Variants in NCALD observed in about 807,000 individuals in gnomAD.
The protein encoded by NCALD is neurocalcin delta.
A neutral mutation model predicts 18.6 loss-of-function variants in NCALD; 10 were observed. That is an observed-to-expected ratio of 0.54 (90% CI 0.33 to 0.91). NCALD has a LOEUF of 0.91. Among genes scored for constraint, NCALD ranks in the 40% least tolerant of loss-of-function variants. The pLI, the probability that NCALD is intolerant of heterozygous loss-of-function variation, is 0.03. For missense variants in NCALD, 184 were observed against 247.6 expected (o/e 0.74, Z 1.72); for synonymous variants, 88 against 87.4 (o/e 1.01, Z -0.04).
intron 1 of NCALD, among the ~76,000 whole-genome samples, chr8:102,082,220 C>A (rs1824563977): frequency 8.0e-6 from 1 of 124,728 alleles, no homozygotes; most frequent in Non-Finnish European, 1.6e-5. Context: ...ATTTGAGAAG[C>A]TCTCTCTTTT....
chr8:101,856,151 C>T (rs553293833), intron 4 of NCALD, among the ~76,000 whole-genome samples: 13 of 152,148 alleles, frequency 8.5e-5, no homozygotes, highest in African/African-American at 2.9e-4. Context: ...TCTCTTGTTT[C>T]GTTTGTTTAT....
At chr8:101,710,981 C>A (rs1815761598) in intron 2 of NCALD, among the ~76,000 whole-genome samples, 1 of 152,200 alleles carries the variant, frequency 6.6e-6, no homozygotes, top group Non-Finnish European at 1.5e-5. Flanking sequence ...AGATGCCTCC[C>A]AGCAGGGGTC....
At chr8:101,720,196 A>G (rs114034600) in intron 1 of NCALD, among the ~76,000 whole-genome samples, 118 of 152,334 alleles carry the variant, frequency 7.7e-4, no homozygotes, top group African/African-American at 2.8e-3. Context: ...AGAAAATGGA[A>G]GCAAACCTAA....
intron 1 of NCALD, among the ~76,000 whole-genome samples, chr8:102,116,535 T>C (rs578166002): frequency 1.5e-3 from 234 of 152,248 alleles, no homozygotes; most frequent in Non-Finnish European, 2.7e-3. Context: ...CAGGCTGGAG[T>C]GCAGTGGGGT....
At chr8:101,980,025 A>G (rs895196405) in intron 2 of NCALD, among the ~76,000 whole-genome samples, 4 of 152,164 alleles carry the variant, frequency 2.6e-5, no homozygotes, top group African/African-American at 9.7e-5. Context: ...CTGAGGGGCA[A>G]AAACACAGTG....
At chr8:101,718,909 G>T (rs1816215982) in intron 2 of NCALD, among the ~76,000 whole-genome samples, 1 of 152,136 alleles carries the variant, frequency 6.6e-6, no homozygotes, top group South Asian at 2.1e-4. Context: ...TCATCTGTAT[G>T]GTAAAACCTT....
At chr8:101,877,738 CT>C (rs570941705) in intron 4 of NCALD, among the ~76,000 whole-genome samples, 466 of 152,204 alleles carry the variant, frequency 3.1e-3, no homozygotes, top group Non-Finnish European at 5.5e-3. Flanking sequence ...CTTTTTGCCC[CT>C]TTTTTTCTCA....
Position 101,689,042 on chromosome 8 carries a change from A to G in NCALD, c.*267T>C, listed in dbSNP as rs558639403. On this transcript the variant is annotated 3_prime_UTR_variant, in exon 4 of 4. Coordinates refer to ENST00000220931, the MANE Select transcript of NCALD (RefSeq NM_032041.3). The surrounding 1 kb of genome is among the most constrained non-coding windows in gnomAD (Gnocchi z 4.4). ...TTAGAACAGAGACATTAGAATAAAAAAAAATAATAGTAACGATTAAAAATC... is the reference window on the plus strand; with the variant it reads ...TTAGAACAGAGACATTAGAATAAAAGAAAATAATAGTAACGATTAAAAATC... The G allele has an allele frequency of 8.6e-6, 6 of 700,256 alleles. No individual in the cohort carries two copies. The highest frequency in any genetic ancestry group is 7.5e-5 in the South Asian group (5 of 66,998). The allele number at this position is 700,256 out of a possible 1,614,324, so 43.4% of individuals were successfully genotyped here.
At chr8:101,817,174 T>G (rs1813530430) in intron 4 of NCALD, among the ~76,000 whole-genome samples, 1 of 152,128 alleles carries the variant, frequency 6.6e-6, no homozygotes, top group Non-Finnish European at 1.5e-5. Context: ...GAATGATTCT[T>G]GTGCCAGAAT....
intron 1 of NCALD, among the ~76,000 whole-genome samples, chr8:102,075,681 G>A (rs759126189): frequency 6.6e-6 from 1 of 152,174 alleles, no homozygotes; most frequent in Non-Finnish European, 1.5e-5. Flanking sequence ...TTGGCTAGGT[G>A]CGGTAGCTCA....
rs1814516182 is a variant in NCALD, at chr8:101,687,392, C to G, written c.*1917G>C. On this transcript the variant is annotated 3_prime_UTR_variant, in exon 4 of 4. Transcript: ENST00000220931. ...CCAAACACAGATTTTAACACTTGGC[C>G]ATGGAGGAATTTGGCAAGTTTTGGT... 6.6e-6 allele frequency: 1 copy of G among 152,632 alleles called. No individual in the cohort carries two copies. The highest frequency in any genetic ancestry group is 2.4e-5 in the African/African-American group (1 of 41,444). 9.5% of individuals were successfully genotyped at this position (152,632 alleles called of 1,614,324 possible).
At chr8:102,101,479 C>T (rs985500971) in intron 1 of NCALD, among the ~76,000 whole-genome samples, 9 of 152,208 alleles carry the variant, frequency 5.9e-5, no homozygotes, top group Non-Finnish European at 1.3e-4. Context: ...AAGCCGAGTC[C>T]TAACAGTATT....
intron 1 of NCALD, among the ~76,000 whole-genome samples, chr8:101,770,390 T>C (rs1811534403): frequency 6.6e-6 from 1 of 152,200 alleles, no homozygotes; most frequent in Non-Finnish European, 1.5e-5. Context: ...GTAGCAAGAT[T>C]ATTGTAAATT....
At chr8:102,055,517 A>G (rs1343192260) in intron 1 of NCALD, among the ~76,000 whole-genome samples, 3 of 152,242 alleles carry the variant, frequency 2.0e-5, no homozygotes, top group Non-Finnish European at 4.4e-5. Flanking sequence ...ATTTTAAGCA[A>G]CTTGCTACAT....
At chr8:102,013,704 T>A (rs1335707028) in intron 2 of NCALD, among the ~76,000 whole-genome samples, 3 of 152,182 alleles carry the variant, frequency 2.0e-5, no homozygotes, top group Admixed American at 6.5e-5. Flanking sequence ...TTTGACTTCA[T>A]GTCTCTCACT....
intron 4 of NCALD, among the ~76,000 whole-genome samples, chr8:101,830,968 A>G (rs1814158945): frequency 6.6e-6 from 1 of 152,076 alleles, no homozygotes; most frequent in Admixed American, 6.5e-5. Flanking sequence ...CAGGAAGTGA[A>G]GAAGCAAGCT....
intron 1 of NCALD, among the ~76,000 whole-genome samples, chr8:101,743,082 T>C (rs1810281711): frequency 6.6e-6 from 1 of 152,212 alleles, no homozygotes; most frequent in African/African-American, 2.4e-5. Flanking sequence ...AATATTTAAA[T>C]TTATTCCCAG....
At chr8:102,026,317 A>G (rs577116057) in intron 1 of NCALD, among the ~76,000 whole-genome samples, 2 of 152,302 alleles carry the variant, frequency 1.3e-5, no homozygotes, top group Admixed American at 1.3e-4. Flanking sequence ...CCTTCCACCT[A>G]TGAGCCTGTA....
intron 4 of NCALD, among the ~76,000 whole-genome samples, chr8:101,866,751 A>G (rs1322595178): frequency 6.6e-6 from 1 of 152,018 alleles, no homozygotes; most frequent in African/African-American, 2.4e-5. Flanking sequence ...TCTACCTCCA[A>G]ATTTTAACAC....
Sources: gnomAD v4.1 joint callset for allele counts (sites outside exome capture counted in the v4.1 genomes callset) on GRCh38, gnomAD v4.1.1 for gene constraint, Gnocchi (gnomAD v3.1) non-coding constraint, MANE v1.5 for transcripts, NCBI Gene and HGNC (gene_info 2026-07-23, HGNC 2026-07-21) for gene names.